Variants in MLF1 observed in about 807,000 individuals in gnomAD.
MLF1 encodes myeloid leukemia factor 1, also known as myelodysplasia-myeloid leukemia factor 1.
In MLF1, 37 loss-of-function variants were observed where a neutral mutation model predicts 38.3. That is an observed-to-expected ratio of 0.96 (90% CI 0.74 to 1.27). The LOEUF is 1.27. Among genes scored for constraint, MLF1 ranks in the 50% most tolerant of loss-of-function variants. The pLI, the probability that MLF1 is intolerant of heterozygous loss-of-function variation, is 0.00. For synonymous variants in MLF1, 95 were observed against 106.5 expected, an observed-to-expected ratio of 0.89 and a Z score of 0.66; for missense variants, 331 against 349.2, an observed-to-expected ratio of 0.95 and a Z score of 0.42.
chr3:158,599,202 TA>T (rs1719360933), intron 5 of MLF1, among the ~76,000 whole-genome samples: 1 of 152,226 alleles, frequency 6.6e-6, no homozygotes, highest in East Asian at 1.9e-4. Flanking sequence ...AATTCATCTT[TA>T]TACATGGCTC....
rs1279817536 is a variant in MLF1 at position 158,605,900 on chromosome 3, C to T, written c.*698C>T. On this transcript the variant is annotated 3_prime_UTR_variant, in exon 8 of 8. Transcript: ENST00000466246. ...CACCAGATATTATATTGACCATTCT[C>T]TTTAACTTCTTAATGTGGCATATTT... The T allele has an allele frequency of 5.5e-6, 1 of 181,304 alleles. No individual in the cohort carries two copies. The highest frequency in any genetic ancestry group is 1.2e-5 in the Non-Finnish European group (1 of 85,004). The allele number at this position is 181,304 out of a possible 1,614,324, so 11.2% of individuals were successfully genotyped here. A position where few individuals can be genotyped will look rare whatever the true frequency, so the allele number is the denominator to read the frequency against.
rs543900047 is a variant in MLF1, at chr3:158,596,153, C to T, written c.241-709C>T. Among the ~76,000 whole-genome samples the T allele has an allele frequency of 2.0e-5, 3 of 152,066 alleles. No homozygotes were observed. In the East Asian group the frequency reaches 5.8e-4, roughly 29 times the overall value. The stretch of plus-strand genomic sequence containing the variant: ...ATATGCTCTCTTCATCTGTGACAGC[C>T]AAAAATGAGTATAGTTATTGCCAGT... On this transcript the variant is annotated intron_variant, in intron 3 of 7. Transcript: ENST00000466246.
chr3:158,584,600 T>C (rs1716910365), intron 1 of MLF1, among the ~76,000 whole-genome samples: 1 of 151,352 alleles, frequency 6.6e-6, no homozygotes, highest in African/African-American at 2.4e-5. Flanking sequence ...TTTTGCCCAA[T>C]GAAGTAAAGG....
Position 158,571,210 on chromosome 3 carries a change from G to A in MLF1, c.-91G>A, listed in dbSNP as rs1015368403. The A allele has an allele frequency of 5.7e-6, 6 of 1,047,238 alleles. No homozygotes were observed. The highest frequency in any genetic ancestry group is 1.8e-5 in the Admixed American group (1 of 55,494). The allele number at this position is 1,047,238 out of a possible 1,614,324, so 64.9% of individuals were successfully genotyped here. ...CGCCGCGGCGAGTGAGGCGTCGTCC[G>A]TACTGGAGGCTAGCTCTTGTCGCGG... On this transcript the variant is annotated 5_prime_UTR_variant, in exon 1 of 8. Coordinates refer to ENST00000466246, the MANE Select transcript of MLF1 (RefSeq NM_001369783.1).
In MLF1 at chr3:158,592,534, A is replaced by G. The variant is rs1198027006; in HGVS notation, c.148A>G (p.Arg50Gly). Reference protein sequence around the residue: ...DLLSISDGRGRAHNRRGHNDG... With the variant: ...DLLSISDGRGGAHNRRGHNDG... ...GCTCAGTATCTCTGATGGTAGAGGG[A>G]GAGCTCATAATCGTAGAGGACATAA... Residue 50 changes from arginine to glycine, a missense_variant, in exon 2 of 8, where the codon AGA becomes GGA. Coordinates refer to ENST00000466246, the MANE Select transcript of MLF1 (RefSeq NM_001369783.1). 1.2e-6 allele frequency: 2 copies of G among 1,612,338 alleles called. No individual in the cohort carries two copies. The highest frequency in any genetic ancestry group is 1.7e-6 in the Non-Finnish European group (2 of 1,179,364).
chr3:158,577,304 C>T (rs945341497), intron 1 of MLF1, among the ~76,000 whole-genome samples: 5 of 152,102 alleles, frequency 3.3e-5, no homozygotes, highest in African/African-American at 9.7e-5. Context: ...ATAAAACCAC[C>T]TTGTTAAGCT....
chr3:158,576,247 A>G (rs887097931), intron 1 of MLF1, among the ~76,000 whole-genome samples: 1 of 152,220 alleles, frequency 6.6e-6, no homozygotes, highest in African/African-American at 2.4e-5. Context: ...TTGAAAATTT[A>G]CATTACAGTA....
chr3:158,592,717 G>T, intron 2 of MLF1, 136 bp downstream of exon 2: 3 of 706,792 alleles, frequency 4.2e-6, no homozygotes, highest in Non-Finnish European at 6.4e-6. Flanking sequence ...TATAAAAGGG[G>T]GGACCTTTGG....
At chr3:158,589,038 C>CTTGGGAGAGTGT in intron 1 of MLF1, 2 of 379,792 alleles carry the variant, frequency 5.3e-6, no homozygotes, top group Non-Finnish European at 1.0e-5. Context: ...AGACTGCAGG[C>CTTGGGAGAGTGT]ATTGGTTGCA....
chr3:158,598,777 T>C (rs1416194653), intron 5 of MLF1, among the ~76,000 whole-genome samples: 1 of 152,174 alleles, frequency 6.6e-6, no homozygotes, highest in Non-Finnish European at 1.5e-5. Flanking sequence ...CTATTTTCCC[T>C]TTCTCCCCTT....
chr3:158,580,938 ACT>A (rs536931921), intron 1 of MLF1, among the ~76,000 whole-genome samples: 53 of 152,178 alleles, frequency 3.5e-4, no homozygotes, highest in African/African-American at 1.2e-3. Flanking sequence ...ACAGAATGAA[ACT>A]CTGTCTCAAA....
chr3:158,598,189 C>T lies in MLF1; in HGVS notation c.434C>T (p.Thr145Ile), dbSNP rs1254276711. The T allele has an allele frequency of 5.6e-6, 9 of 1,613,668 alleles. No individual in the cohort carries two copies. The South Asian group carries it at 6.6e-5, about 12-fold the overall frequency. Residue 145 changes from threonine (T) to isoleucine (I), a missense_variant, in exon 5 of 8, where the codon ACT (threonine) becomes ATT (isoleucine). Transcript: ENST00000466246. ...PPKVFQASTQ[T>I]RRAPGGIKET... The stretch of plus-strand genomic sequence containing the variant: ...AAGGTTTTTCAGGCCTCAACTCAAA[C>T]TCGTCGAGCTCCAGGAGGAGTAAGT...
At chr3:158,574,529 AC>A (rs974135050) in intron 1 of MLF1, among the ~76,000 whole-genome samples, 3 of 114,084 alleles carry the variant, frequency 2.6e-5, no homozygotes, top group Admixed American at 9.5e-5. Flanking sequence ...AAAAAAAAAT[AC>A]AAAATTAGCC....
chr3:158,583,518 T>C (rs1003138151), intron 1 of MLF1, among the ~76,000 whole-genome samples: 7 of 152,156 alleles, frequency 4.6e-5, no homozygotes, highest in Non-Finnish European at 1.5e-5. Context: ...TTCGCTCTTA[T>C]AATTAAAGAG....
At chr3:158,600,252 A>C (rs1203022091) in intron 6 of MLF1, 79 bp downstream of exon 6, 2 of 819,594 alleles carry the variant, frequency 2.4e-6, no homozygotes, top group Non-Finnish European at 3.4e-6. Flanking sequence ...TTTTTTAGAA[A>C]CATGTCATAA....
chr3:158,601,700 T>G (rs1719778875), intron 6 of MLF1, among the ~76,000 whole-genome samples: 1 of 151,052 alleles, frequency 6.6e-6, no homozygotes, highest in African/African-American at 2.4e-5. Flanking sequence ...GAGGTTGCAG[T>G]GAGCCAAGAT....
chr3:158,598,293 A>G, intron 5 of MLF1, 85 bp downstream of exon 5: 1 of 1,377,478 alleles, frequency 7.3e-7, no homozygotes. Flanking sequence ...ATTAAAATTT[A>G]ATCTGGTACA....
intron 1 of MLF1, among the ~76,000 whole-genome samples, chr3:158,585,159 G>A (rs1452330805): frequency 6.6e-6 from 1 of 152,068 alleles, no homozygotes; most frequent in Non-Finnish European, 1.5e-5. Context: ...TTAATGAGAA[G>A]TGTTTGGGTC....
intron 1 of MLF1, among the ~76,000 whole-genome samples, chr3:158,576,307 A>G (rs774659382): frequency 4.6e-5 from 7 of 152,230 alleles, no homozygotes; most frequent in Non-Finnish European, 5.9e-5. Flanking sequence ...TTAAAAACAC[A>G]AAGGTTAAAA....
Sources: allele counts gnomAD v4.1 joint callset (sites outside exome capture counted in the v4.1 genomes callset), GRCh38; gene constraint gnomAD v4.1.1; transcripts MANE v1.5; gene names NCBI Gene and HGNC (gene_info 2026-07-23, HGNC 2026-07-21).